UGT2B11: variants seen among roughly 807,000 people sequenced by gnomAD.
UGT2B11 encodes UDP glucuronosyltransferase family 2 member B11, also known as UDP-glucuronosyltransferase 2B11.
In UGT2B11, 49 loss-of-function variants were observed where a neutral mutation model predicts 51.7. The observed-to-expected ratio is 0.95, with a 90% confidence interval of 0.75 to 1.20. The LOEUF (loss-of-function observed/expected upper bound fraction) is 1.20. Among genes scored for constraint, UGT2B11 ranks in the 50% most tolerant of loss-of-function variants. UGT2B11 has a pLI of 0.00. For synonymous variants in UGT2B11, 273 were observed against 209.0 expected (o/e 1.31, Z -2.64); for missense variants, 810 against 622.1 (o/e 1.30, Z -3.21).
chr4:69,211,382 A>G (rs1201681090), intron 2 of UGT2B11, among the ~76,000 whole-genome samples: 6 of 151,504 alleles, frequency 4.0e-5, no homozygotes, highest in Non-Finnish European at 5.9e-5. Flanking sequence ...TATAATTTTA[A>G]TCAAGTCCAC....
At position 69,214,227 on chromosome 4, in the gene UGT2B11, T is replaced by C. The variant is rs1438901479; in HGVS notation, c.496A>G (p.Ile166Val). The change falls in exon 1 of 6, where the codon ATA becomes GTA. Residue 166 changes from isoleucine to valine, a missense_variant. Ile to Val is a conservative substitution (Grantham distance 29). Transcript: ENST00000446444. ...CGELLAALLN[I>V]RFVYSLRFTP... The stretch of plus-strand genomic sequence containing the variant: ...AAGCGGAGACTGTACACAAACCGTA[T>C]GTTAAGTAGCGCAGCCAGCAGCTCA... 5 of 1,613,158 alleles carry C rather than the reference T, an allele frequency of 3.1e-6. No homozygotes were observed. The highest frequency in any genetic ancestry group is 4.2e-6 in the Non-Finnish European group (5 of 1,179,488).
rs754269662 is a variant in UGT2B11, at chr4:69,204,584, G to A, written c.1156C>T (p.His386Tyr). 9 of 1,611,992 alleles carry A rather than the reference G, an allele frequency of 5.6e-6. No individual in the cohort carries two copies. The African/African-American group carries it at 8.0e-5, about 14-fold the overall frequency. The change falls in exon 5 of 6, where the codon CAT becomes TAT. Residue 386 changes from histidine to tyrosine, a missense_variant. His to Tyr is a moderately conservative substitution (Grantham distance 83). Coordinates refer to ENST00000446444, the MANE Select transcript of UGT2B11 (RefSeq NM_001073.3). The part of the protein sequence containing the change: ...GANGIYEAIY[H>Y]GIPMVGIPLF... Reference sequence around the variant, plus strand: ...GGAATGCCCACCATAGGGATCCCATGGTAGATTGCCTCATAGATGCCATTG... The same window carrying A: ...GGAATGCCCACCATAGGGATCCCATAGTAGATTGCCTCATAGATGCCATTG...
intron 2 of UGT2B11, among the ~76,000 whole-genome samples, chr4:69,212,345 C>T (rs1312596543): frequency 1.3e-5 from 2 of 151,426 alleles, no homozygotes; most frequent in African/African-American, 4.8e-5. Flanking sequence ...TTTAATCAAC[C>T]CTACATTCAA....
In UGT2B11 at chr4:69,208,351, C is replaced by T. The variant is rs752288041; in HGVS notation, c.1002G>A (p.Lys334=). Residue 334 remains lysine, a splice_region_variant and synonymous_variant, in exon 3 of 6, where the codon AAG becomes AAA. Coordinates refer to ENST00000446444, the MANE Select transcript of UGT2B11 (RefSeq NM_001073.3). The part of the protein sequence containing the change: ...IATALAKIPQ[K]VLWRFDGNKP... Reference sequence around the variant, plus strand: ...ACACCAGTAAGGCCCTTTATCTTACCTTTTGTGGGATCTTGGCAAGGGCTG... The same window carrying T: ...ACACCAGTAAGGCCCTTTATCTTACTTTTTGTGGGATCTTGGCAAGGGCTG... 15 of 1,610,686 alleles carry T rather than the reference C, an allele frequency of 9.3e-6. No homozygotes were observed. In the Admixed American group the frequency reaches 1.7e-4, roughly 18 times the overall value.
chr4:69,210,610 C>T (rs2109951087), intron 2 of UGT2B11, among the ~76,000 whole-genome samples: 1 of 151,674 alleles, frequency 6.6e-6, no homozygotes, highest in Non-Finnish European at 1.5e-5. Flanking sequence ...ACACCTCCTA[C>T]TCTCTTCCTC....
the UGT2B11 span, among the ~76,000 whole-genome samples, chr4:69,223,747 T>G: frequency 6.6e-6 from 1 of 152,200 alleles, no homozygotes; most frequent in Non-Finnish European, 1.5e-5. Flanking sequence ...TCTAGGCTTC[T>G]GTCCCCACTT....
chr4:69,200,519 A>G lies in UGT2B11; in HGVS notation c.1511T>C (p.Val504Ala). The G allele has an allele frequency of 6.2e-7, 1 of 1,612,294 alleles. No homozygotes were observed. The highest frequency in any genetic ancestry group is 8.5e-7 in the Non-Finnish European group (1 of 1,178,932). ...IGFLLACVATVIFIITKFCLF... is the reference protein window; with the variant it reads ...IGFLLACVATAIFIITKFCLF... ...ACAAAACTTTGTGATGATAAATATC[A>G]CAGTTGCCACACAGGCCAGCAGAAA... is the stretch of plus-strand genomic sequence containing the variant. Residue 504 changes from valine (V) to alanine (A), a missense_variant, in exon 6 of 6, where the codon GTG (valine) becomes GCG (alanine). Val to Ala is a moderately conservative substitution (Grantham distance 64). Transcript: ENST00000446444.
the UGT2B11 span, among the ~76,000 whole-genome samples, chr4:69,222,085 G>A: frequency 6.6e-6 from 1 of 152,406 alleles, no homozygotes; most frequent in South Asian, 2.1e-4. Flanking sequence ...TGAGGGCCAT[G>A]ACTAAGGCTG....
At chr4:69,224,072 C>A in the UGT2B11 span, among the ~76,000 whole-genome samples, 1 of 152,166 alleles carries the variant, frequency 6.6e-6, no homozygotes, top group Non-Finnish European at 1.5e-5. Flanking sequence ...GGCCATGGAA[C>A]GGAAACACAT....
intron 5 of UGT2B11, 123 bp from the exon 6 acceptor site, chr4:69,200,842 A>G: frequency 8.3e-7 from 1 of 1,210,920 alleles, no homozygotes; most frequent in Non-Finnish European, 1.1e-6. Context: ...ATTGACAGAG[A>G]ATTTGTGTAT....
At chr4:69,212,223 T>C (rs960680262) in intron 2 of UGT2B11, among the ~76,000 whole-genome samples, 8 of 151,456 alleles carry the variant, frequency 5.3e-5, no homozygotes, top group Admixed American at 2.6e-4. Flanking sequence ...CTGTGTCTAT[T>C]TTTTTTCTCT....
chr4:69,204,171 A>AT, intron 5 of UGT2B11: 1 of 280,238 alleles, frequency 3.6e-6, no homozygotes, highest in Non-Finnish European at 6.4e-6. Flanking sequence ...TAAGAAATGT[A>AT]TTTTTTATAT....
At chr4:69,202,841 A>G (rs868399554) in intron 5 of UGT2B11, among the ~76,000 whole-genome samples, 1 of 151,586 alleles carries the variant, frequency 6.6e-6, no homozygotes, top group African/African-American at 2.4e-5. Context: ...TACATTGATC[A>G]TTCGTTATCC....
At chr4:69,217,569 A>G (rs546871523), upstream of UGT2B11, among the ~76,000 whole-genome samples, 6 of 152,154 alleles carry the variant, frequency 3.9e-5, no homozygotes, top group South Asian at 4.1e-4. Context: ...TCAGAACAGC[A>G]CTGCTGAAAG....
At chr4:69,204,365 T>G in intron 5 of UGT2B11, 65 bp downstream of exon 5, 1 of 1,593,032 alleles carries the variant, frequency 6.3e-7, no homozygotes, top group African/African-American at 1.3e-5. Context: ...ATGAAACTCA[T>G]GCTCACTATT....
In UGT2B11 at chr4:69,204,708, A is replaced by T; in HGVS notation, c.1091-59T>A. 5 of 1,607,738 alleles carry T rather than the reference A, an allele frequency of 3.1e-6. No homozygotes were observed. The South Asian group carries it at 5.5e-5, about 18-fold the overall frequency. ...TAGGAATAAAATGAGATGCACAATG[A>T]AAGGTTCTGAAAGTGACAGTGTTTT... On this transcript the variant is annotated intron_variant, in intron 4 of 5. Coordinates refer to ENST00000446444, the MANE Select transcript of UGT2B11 (RefSeq NM_001073.3).
At chr4:69,211,096 G>C (rs1722042531) in intron 2 of UGT2B11, 1 of 151,522 alleles carries the variant, frequency 6.6e-6, no homozygotes, top group Admixed American at 6.6e-5. Context: ...AGTTCATCCA[G>C]AAAGCTTTAC....
chr4:69,211,228 C>A (rs1016498048), intron 2 of UGT2B11: 2 of 151,422 alleles, frequency 1.3e-5, no homozygotes, highest in Non-Finnish European at 3.0e-5. Context: ...GTCAAGTGAA[C>A]CCTGGGTTTG....
At chr4:69,202,178 T>G (rs1195347990) in intron 5 of UGT2B11, among the ~76,000 whole-genome samples, 1 of 151,810 alleles carries the variant, frequency 6.6e-6, no homozygotes, top group Non-Finnish European at 1.5e-5. Flanking sequence ...CATTTTATGA[T>G]GAATAGATAT....
Sources: allele counts gnomAD v4.1 joint callset (sites outside exome capture counted in the v4.1 genomes callset), GRCh38; gene constraint gnomAD v4.1.1; transcripts MANE v1.5; gene names NCBI Gene and HGNC (gene_info 2026-07-23, HGNC 2026-07-21).